Variants in ZBTB7C observed in about 807,000 individuals in gnomAD.
ZBTB7C encodes the protein zinc finger and BTB domain containing 7C.
A neutral mutation model predicts 25.7 loss-of-function variants in ZBTB7C; 8 were observed. The observed-to-expected ratio is 0.31, with a 90% CI of 0.18 to 0.56. ZBTB7C has a LOEUF of 0.56. Ranked by LOEUF, ZBTB7C falls within the 20% of genes least tolerant of loss-of-function variation. ZBTB7C has a pLI of 0.91. For synonymous variants in ZBTB7C, 394 were observed against 369.0 expected (o/e 1.07, Z -0.78); for missense variants, 824 against 855.2 (o/e 0.96, Z 0.46).
chr18:48,388,822 G>A (rs1395928117), intron 1 of ZBTB7C, among the ~76,000 whole-genome samples: 2 of 152,186 alleles, frequency 1.3e-5, no homozygotes, highest in African/African-American at 2.4e-5. Flanking sequence ...AGAGATATTT[G>A]CACAGATCAT....
At chr18:48,033,567 G>A (rs909949019) in intron 4 of ZBTB7C, among the ~76,000 whole-genome samples, 1 of 152,170 alleles carries the variant, frequency 6.6e-6, no homozygotes, top group Non-Finnish European at 1.5e-5. Flanking sequence ...GGAAGAGTAG[G>A]CAAAGCTCAT....
intron 2 of ZBTB7C, among the ~76,000 whole-genome samples, chr18:48,251,168 G>A (rs759288014): frequency 8.5e-5 from 13 of 152,100 alleles, no homozygotes; most frequent in African/African-American, 7.2e-5. Flanking sequence ...TGGCTGCATT[G>A]AGCCATGATT....
intron 1 of ZBTB7C, among the ~76,000 whole-genome samples, chr18:48,360,628 G>A (rs1219262716): frequency 2.6e-5 from 4 of 152,150 alleles, no homozygotes; most frequent in African/African-American, 4.8e-5. Flanking sequence ...GGTGAGAGAC[G>A]AGGGACTGAA....
chr18:48,220,241 A>G (rs1258235451), intron 2 of ZBTB7C, among the ~76,000 whole-genome samples: 2 of 152,106 alleles, frequency 1.3e-5, no homozygotes, highest in African/African-American at 4.8e-5. Context: ...TTGAGATCCT[A>G]TTCAAATCAG....
At chr18:48,265,001 A>G (rs917924078) in intron 2 of ZBTB7C, among the ~76,000 whole-genome samples, 1 of 152,180 alleles carries the variant, frequency 6.6e-6, no homozygotes, top group Non-Finnish European at 1.5e-5. Context: ...ATGAGAGACA[A>G]TGGGTGGAGA....
chr18:48,388,659 G>C (rs2047806638), intron 1 of ZBTB7C, among the ~76,000 whole-genome samples: 1 of 152,172 alleles, frequency 6.6e-6, no homozygotes, highest in South Asian at 2.1e-4. Flanking sequence ...CGAAGCAGGA[G>C]GACTGCTTGA....
intron 3 of ZBTB7C, among the ~76,000 whole-genome samples, chr18:48,067,981 A>G (rs1161617788): frequency 2.6e-5 from 4 of 152,096 alleles, no homozygotes; most frequent in Admixed American, 6.5e-5. Context: ...GGCCTGGGCA[A>G]TAAGAGTGAA....
intron 2 of ZBTB7C, among the ~76,000 whole-genome samples, chr18:48,323,145 A>G (rs2046137911): frequency 6.6e-6 from 1 of 152,170 alleles, no homozygotes; most frequent in African/African-American, 2.4e-5. Flanking sequence ...TAAGGAACAT[A>G]CTTATTTAAC....
Position 48,181,472 on chromosome 18 carries a change from G to A in ZBTB7C, c.-17+4462C>T, listed in dbSNP as rs139643987. The stretch of plus-strand genomic sequence containing the variant: ...CTGGGCTTTGCACAAACATTGCCTC[G>A]CCTCCTTCTCCTGGTACCCCCATGT... On this transcript the variant is annotated intron_variant, in intron 3 of 4. Coordinates refer to ENST00000590800, the MANE Select transcript of ZBTB7C (RefSeq NM_001318841.2). Among the ~76,000 whole-genome samples, 83 of 152,192 alleles carry A rather than the reference G, an allele frequency of 5.5e-4. 1 individual carries two copies. The East Asian group carries it at 0.012, about 21-fold the overall frequency.
intron 3 of ZBTB7C, among the ~76,000 whole-genome samples, chr18:48,060,212 C>T (rs768022763): frequency 2.6e-5 from 4 of 152,060 alleles, no homozygotes; most frequent in East Asian, 3.8e-4. Context: ...AGCTTTTCTG[C>T]GGAGTTTGTG....
chr18:48,169,126 G>A (rs150999202), intron 3 of ZBTB7C, among the ~76,000 whole-genome samples: 2 of 152,326 alleles, frequency 1.3e-5, no homozygotes, highest in South Asian at 2.1e-4. Context: ...CAATAGAAAG[G>A]TAAGAAAGTG....
chr18:48,315,389 G>C (rs1372641006), intron 2 of ZBTB7C, among the ~76,000 whole-genome samples: 1 of 152,166 alleles, frequency 6.6e-6, no homozygotes, highest in African/African-American at 2.4e-5. Context: ...CACGTATCTG[G>C]ATTCTCAATG....
At chr18:48,263,499 A>G (rs1043474022) in intron 2 of ZBTB7C, among the ~76,000 whole-genome samples, 6 of 152,196 alleles carry the variant, frequency 3.9e-5, no homozygotes, top group Admixed American at 6.5e-5. Flanking sequence ...GGAATAGAGG[A>G]CCTTAAAAAA....
At chr18:48,051,413 C>T (rs1326951554) in intron 3 of ZBTB7C, among the ~76,000 whole-genome samples, 2 of 152,214 alleles carry the variant, frequency 1.3e-5, no homozygotes, top group East Asian at 1.9e-4. Flanking sequence ...TAGAGGCTGC[C>T]TGAGGCCTCT....
chr18:48,040,281 T>C lies in ZBTB7C; in HGVS notation c.827A>G (p.Asp276Gly). The C allele has an allele frequency of 6.4e-7, 1 of 1,572,778 alleles. No individual in the cohort carries two copies. The highest frequency in any genetic ancestry group is 8.6e-7 in the Non-Finnish European group (1 of 1,161,548). ...GATGACCAGATCCAGTGGCCCACTGTCCATGGGCTGCTCAGGCAGCTGGGC... is the reference window on the plus strand; with the variant it reads ...GATGACCAGATCCAGTGGCCCACTGCCCATGGGCTGCTCAGGCAGCTGGGC... ...AFAQLPEQPM[D>G]SGPLDLVIKN... Residue 276 changes from aspartate to glycine, a missense_variant, in exon 4 of 5, where the codon GAC becomes GGC. Asp to Gly is a moderately conservative substitution (Grantham distance 94). Transcript: ENST00000590800.
intron 3 of ZBTB7C, among the ~76,000 whole-genome samples, chr18:48,056,902 T>C (rs1014477432): frequency 2.6e-5 from 4 of 152,102 alleles, no homozygotes; most frequent in African/African-American, 9.6e-5. Context: ...AACATTTATG[T>C]ACATCCAAAA....
chr18:48,167,563 G>GGTGTGTGTGT (rs748451365), intron 3 of ZBTB7C, among the ~76,000 whole-genome samples: 3,126 of 142,500 alleles, frequency 0.022, 37 homozygotes, highest in South Asian at 0.025. Context: ...GCATTGCTAG[G>GGTGTGTGTGT]GTGTGTGTGT....
At chr18:48,320,690 C>A (rs562338318) in intron 2 of ZBTB7C, among the ~76,000 whole-genome samples, 14 of 152,372 alleles carry the variant, frequency 9.2e-5, no homozygotes, top group Admixed American at 3.9e-4. Context: ...CCAGTGGGCA[C>A]TTCCTGTCTC....
At chr18:48,057,024 G>A (rs1221202464) in intron 3 of ZBTB7C, among the ~76,000 whole-genome samples, 12 of 79,262 alleles carry the variant, frequency 1.5e-4, no homozygotes, top group African/African-American at 5.2e-4. Context: ...ATCAGGAAAA[G>A]ACCTATAGTT....
Sources: allele counts gnomAD v4.1 joint callset (sites outside exome capture counted in the v4.1 genomes callset), GRCh38; gene constraint gnomAD v4.1.1; transcripts MANE v1.5; gene names NCBI Gene and HGNC (gene_info 2026-07-23, HGNC 2026-07-21).